Variants in ZRANB3 observed in about 807,000 individuals in gnomAD.
The protein encoded by ZRANB3 is zinc finger RANBP2-type containing 3.
In ZRANB3, 125 loss-of-function variants were observed where a neutral mutation model predicts 133.8. That is an observed-to-expected ratio of 0.93 (90% CI 0.81 to 1.08). ZRANB3 has a LOEUF of 1.08. ZRANB3 is among the 50% of genes least tolerant of loss of function. The pLI is 0.00. For missense variants in ZRANB3, 1,229 were observed against 1,275.5 expected, an observed-to-expected ratio of 0.96 and a Z score of 0.56; for synonymous variants, 387 against 432.7, an observed-to-expected ratio of 0.89 and a Z score of 1.31.
At chr2:135,264,386 C>T (rs1244705771) in intron 12 of ZRANB3, among the ~76,000 whole-genome samples, 1 of 149,910 alleles carries the variant, frequency 6.7e-6, no homozygotes, top group Non-Finnish European at 1.5e-5. Context: ...GCAGGAGAAT[C>T]GCTTGAACCC....
chr2:135,301,212 T>C (rs1371251535), intron 8 of ZRANB3, among the ~76,000 whole-genome samples: 1 of 148,748 alleles, frequency 6.7e-6, no homozygotes, highest in African/African-American at 2.5e-5. Context: ...TGAGACAGAG[T>C]TTCACTCTTG....
intron 8 of ZRANB3, among the ~76,000 whole-genome samples, chr2:135,303,334 A>G (rs1682532799): frequency 1.3e-5 from 2 of 152,070 alleles, no homozygotes; most frequent in African/African-American, 2.4e-5. Flanking sequence ...TGCTCCTAAG[A>G]ATTTTATAAT....
At chr2:135,296,445 T>A (rs1558896215) in intron 8 of ZRANB3, among the ~76,000 whole-genome samples, 1 of 152,242 alleles carries the variant, frequency 6.6e-6, no homozygotes, top group Non-Finnish European at 1.5e-5. Flanking sequence ...CTTTAAGTAC[T>A]TTTGTGCATT....
intron 1 of ZRANB3, among the ~76,000 whole-genome samples, chr2:135,505,698 GTATTTATT>G: frequency 6.6e-6 from 1 of 152,194 alleles, no homozygotes; most frequent in African/African-American, 2.4e-5. Context: ...AACAAAGCAA[GTATTTATT>G]TATTAATAAC....
At chr2:135,354,863 T>C (rs1685361679) in intron 3 of ZRANB3, among the ~76,000 whole-genome samples, 1 of 152,218 alleles carries the variant, frequency 6.6e-6, no homozygotes, top group Non-Finnish European at 1.5e-5. Flanking sequence ...ATGCATTTTT[T>C]AGAACTCAGA....
At chr2:135,521,526 T>A (rs2104843075) in intron 1 of ZRANB3, among the ~76,000 whole-genome samples, 1 of 152,140 alleles carries the variant, frequency 6.6e-6, no homozygotes, top group Non-Finnish European at 1.5e-5. Context: ...AGAGCAAACT[T>A]CGTCTCAAAA....
chr2:135,274,604 AT>A (rs1207283951), intron 9 of ZRANB3, among the ~76,000 whole-genome samples: 2 of 151,986 alleles, frequency 1.3e-5, no homozygotes, highest in Non-Finnish European at 2.9e-5. Context: ...CTTTTTTTAA[AT>A]TTTTTTAATT....
Position 135,220,857 on chromosome 2 carries a change from TA to T in ZRANB3, c.2251-1680del, listed in dbSNP as rs201376492. Among the ~76,000 whole-genome samples, 32 of 150,194 alleles carry T rather than the reference TA, an allele frequency of 2.1e-4. 1 individual carries two copies. The highest frequency in any genetic ancestry group is 5.2e-4 in the African/African-American group (21 of 40,412). On this transcript the variant is annotated intron_variant, in intron 15 of 20. Coordinates refer to ENST00000264159, the MANE Select transcript of ZRANB3 (RefSeq NM_032143.4). Reference sequence around the variant, plus strand: ...CCTTTTAGGCAGTGAACTAGGAATTTATTTTTTTTTTTTTTTTGAGACAGAG... The same window carrying T: ...CCTTTTAGGCAGTGAACTAGGAATTTTTTTTTTTTTTTTTTTGAGACAGAG...
intron 3 of ZRANB3, among the ~76,000 whole-genome samples, chr2:135,359,851 A>T (rs1390533681): frequency 2.0e-5 from 3 of 152,202 alleles, no homozygotes; most frequent in Non-Finnish European, 4.4e-5. Flanking sequence ...GATATTTATC[A>T]ATACAAAGTG....
intron 8 of ZRANB3, among the ~76,000 whole-genome samples, chr2:135,298,354 T>C (rs575562220): frequency 3.0e-4 from 46 of 152,356 alleles, no homozygotes; most frequent in Middle Eastern, 3.4e-3. Flanking sequence ...GATCCATTGC[T>C]GGTGAGCTAG....
chr2:135,275,716 T>A lies in ZRANB3; in HGVS notation c.1006A>T (p.Asn336Tyr), dbSNP rs768450897. ...VKDYIKMMLQ[N>Y]DSLKFLVFAH... ...AAAACCAGAAATTTAAGCGAATCAT[T>A]CTGAAGCATCATCTTAATATAATCC... The change falls in exon 9 of 21, where the codon AAT (asparagine) becomes TAT (tyrosine). Residue 336 changes from asparagine (N) to tyrosine (Y), a missense_variant. Asn to Tyr is a moderately radical substitution (Grantham distance 143). Transcript: ENST00000264159. 6 of 1,604,206 alleles carry A rather than the reference T, an allele frequency of 3.7e-6. No individual in the cohort carries two copies. In the African/African-American group the frequency reaches 6.7e-5, roughly 18 times the overall value.
At chr2:135,403,912 T>C (rs913192240) in intron 2 of ZRANB3, among the ~76,000 whole-genome samples, 4 of 152,128 alleles carry the variant, frequency 2.6e-5, no homozygotes, top group Non-Finnish European at 5.9e-5. Flanking sequence ...GAAGGAAAAC[T>C]AACAAACAGA....
intron 2 of ZRANB3, among the ~76,000 whole-genome samples, chr2:135,461,838 T>C (rs1483766429): frequency 1.3e-5 from 2 of 152,082 alleles, no homozygotes; most frequent in Non-Finnish European, 2.9e-5. Flanking sequence ...ACTAGCAAAA[T>C]GGAAAATATA....
At chr2:135,397,914 C>T (rs1445668082) in intron 2 of ZRANB3, among the ~76,000 whole-genome samples, 1 of 152,134 alleles carries the variant, frequency 6.6e-6, no homozygotes, top group Non-Finnish European at 1.5e-5. Flanking sequence ...TACTTAGGGT[C>T]ATTGTCTGCA....
At chr2:135,341,277 G>C (rs1345399090) in intron 6 of ZRANB3, among the ~76,000 whole-genome samples, 3 of 149,800 alleles carry the variant, frequency 2.0e-5, no homozygotes, top group Non-Finnish European at 4.4e-5. Context: ...ATCTGTTGCG[G>C]GAAGTCAGGG....
intron 2 of ZRANB3, among the ~76,000 whole-genome samples, chr2:135,492,293 A>T (rs974857415): frequency 8.5e-5 from 13 of 152,240 alleles, no homozygotes; most frequent in African/African-American, 3.1e-4. Flanking sequence ...CTAACCTTGT[A>T]ACATAAAAAT....
intron 9 of ZRANB3, among the ~76,000 whole-genome samples, chr2:135,272,925 T>C (rs1573804070): frequency 2.0e-5 from 3 of 152,010 alleles, no homozygotes; most frequent in African/African-American, 7.2e-5. Context: ...GTCTCACTTC[T>C]GCAATCCCAG....
intron 1 of ZRANB3, chr2:135,530,549 C>T (rs1285262777): frequency 6.6e-6 from 1 of 152,260 alleles, no homozygotes; most frequent in Non-Finnish European, 1.5e-5. Context: ...CGCAGAATCT[C>T]CAACTCCCGC....
intron 2 of ZRANB3, among the ~76,000 whole-genome samples, chr2:135,410,159 A>G (rs532464002): frequency 7.9e-5 from 12 of 152,200 alleles, no homozygotes; most frequent in African/African-American, 2.9e-4. Flanking sequence ...ATGAAACAAA[A>G]AAGAGCCCCA....
Sources: gnomAD v4.1 joint callset for allele counts (sites outside exome capture counted in the v4.1 genomes callset) on GRCh38, gnomAD v4.1.1 for gene constraint, MANE v1.5 for transcripts, NCBI Gene and HGNC (gene_info 2026-07-23, HGNC 2026-07-21) for gene names.